Variants in RERE observed in about 807,000 individuals in gnomAD.
RERE encodes the protein arginine-glutamic acid dipeptide repeats protein.
RERE carries 40 observed loss-of-function variants against 146.1 expected under a neutral mutation model. That is an observed-to-expected ratio of 0.27 (90% CI 0.21 to 0.36). The LOEUF (loss-of-function observed/expected upper bound fraction) is 0.36, where lower values mean the gene tolerates loss of function less well. Among genes scored for constraint, RERE ranks in the 10% least tolerant of loss-of-function variants. RERE has a pLI of 1.00. For synonymous variants in RERE, 1,003 were observed against 866.0 expected, an observed-to-expected ratio of 1.16 and a Z score of -2.78; for missense variants, 1,933 against 2,138.7, an observed-to-expected ratio of 0.90 and a Z score of 1.90.
At chr1:8,393,612 T>C (rs1642958158) in intron 12 of RERE, among the ~76,000 whole-genome samples, 1 of 152,150 alleles carries the variant, frequency 6.6e-6, no homozygotes, top group South Asian at 2.1e-4. Flanking sequence ...TCCCAACAAA[T>C]GGACCCAAGC....
rs111855675 is a variant in RERE at position 8,359,551 on chromosome 1, G to C, written c.3618+213C>G. ...GGAGGACGCACAGTCACTGCTGGGA[G>C]TCAGCCTAGACCTGCCATGCGCAGT... On this transcript the variant is annotated intron_variant, in intron 19 of 22. Transcript: ENST00000400908. Among the ~76,000 whole-genome samples the C allele has an allele frequency of 8.2e-4, 125 of 152,348 alleles. 2 individuals are homozygous for C. Among genetic ancestry groups the C allele is most frequent in the African/African-American group, 2.9e-3 (122 of 41,580 alleles).
intron 1 of RERE, among the ~76,000 whole-genome samples, chr1:8,667,709 C>A (rs144505002): frequency 1.7e-3 from 260 of 152,308 alleles, no homozygotes; most frequent in African/African-American, 6.1e-3. Context: ...AAAACCCACA[C>A]AAACTCATTC....
At chr1:8,394,844 G>C (rs1368415571) in intron 12 of RERE, among the ~76,000 whole-genome samples, 4 of 152,080 alleles carry the variant, frequency 2.6e-5, no homozygotes, top group Admixed American at 6.6e-5. Flanking sequence ...AGTTACACTT[G>C]GTTTTTGTTT....
chr1:8,473,885 A>C (rs1326866410), intron 10 of RERE, among the ~76,000 whole-genome samples: 1 of 152,240 alleles, frequency 6.6e-6, no homozygotes, highest in Admixed American at 6.5e-5. Flanking sequence ...TATTTTAGAT[A>C]CATGGCTCTT....
At position 8,352,513 on chromosome 1, in the gene RERE, A is replaced by G. The variant is rs941141304; in HGVS notation, c.*2574T>C. The G allele has an allele frequency of 6.6e-6, 1 of 152,478 alleles. No individual in the cohort carries two copies. The highest frequency in any genetic ancestry group is 2.4e-5 in the African/African-American group (1 of 41,452). The allele number at this position is 152,478 out of a possible 1,614,324, so 9.4% of individuals were successfully genotyped here. A position where few individuals can be genotyped will look rare whatever the true frequency, so the allele number is the denominator to read the frequency against. On this transcript the variant is annotated 3_prime_UTR_variant, in exon 23 of 23. Transcript: ENST00000400908. ...CGATTTCTGGGTGTCTACTGTTTAC[A>G]CTGTGTTATCTCATGGCAAACTACT...
At chr1:8,803,380 G>A (rs749395468) in intron 1 of RERE, among the ~76,000 whole-genome samples, 5 of 152,102 alleles carry the variant, frequency 3.3e-5, no homozygotes, top group Non-Finnish European at 7.4e-5. Flanking sequence ...TGAGGCAGGA[G>A]AATCGCTTGA....
intron 7 of RERE, among the ~76,000 whole-genome samples, chr1:8,538,230 C>T (rs1205692845): frequency 6.6e-6 from 1 of 152,154 alleles, no homozygotes; most frequent in East Asian, 1.9e-4. Flanking sequence ...TACATACTTA[C>T]CTAAATAACT....
intron 16 of RERE, 122 bp downstream of exon 16, chr1:8,362,561 C>A: frequency 1.5e-6 from 2 of 1,309,238 alleles, no homozygotes; most frequent in Non-Finnish European, 2.2e-6. Flanking sequence ...TGCTGGTGTC[C>A]AGACAGGCTC....
chr1:8,454,091 C>T (rs1223784226), intron 11 of RERE, among the ~76,000 whole-genome samples: 1 of 152,196 alleles, frequency 6.6e-6, no homozygotes, highest in Non-Finnish European at 1.5e-5. Flanking sequence ...CAGTGATGGG[C>T]CATCCTTCCT....
intron 1 of RERE, among the ~76,000 whole-genome samples, chr1:8,703,728 C>G (rs1364410480): frequency 6.6e-6 from 1 of 152,198 alleles, no homozygotes; most frequent in Non-Finnish European, 1.5e-5. Flanking sequence ...TTTCACACAT[C>G]CTAGAGCTGC....
rs1557587054 is a variant in RERE, at chr1:8,361,030, A to AGCGGGGGATGTG, written c.2465_2476dup (p.Pro822_Pro825dup). On this transcript the variant is annotated inframe_insertion, in exon 18 of 23. Coordinates refer to ENST00000400908, the MANE Select transcript of RERE (RefSeq NM_001042681.2). ...GCCCGCCGACCCAGTCAGAGGCTGCAGCGGGGGATGTGGCGAGGGATGCGG... is the reference window on the plus strand; with the variant it reads ...GCCCGCCGACCCAGTCAGAGGCTGCAGCGGGGGATGTGGCGGGGGATGTGGCGAGGGATGCGG... The AGCGGGGGATGTG allele has an allele frequency of 1.7e-5, 24 of 1,430,536 alleles. No homozygotes were observed. The highest frequency in any genetic ancestry group is 2.6e-5 in the East Asian group (1 of 38,840). 88.6% of individuals were successfully genotyped at this position (1,430,536 alleles called of 1,614,324 possible). A position where few individuals can be genotyped will look rare whatever the true frequency, so the allele number is the denominator to read the frequency against.
intron 2 of RERE, among the ~76,000 whole-genome samples, chr1:8,628,744 A>T (rs1647002413): frequency 1.3e-5 from 2 of 152,270 alleles, no homozygotes; most frequent in Admixed American, 1.3e-4. Flanking sequence ...ATAAGAACGT[A>T]GTCAAGAGCA....
chr1:8,630,551 G>A (rs1354178174), intron 2 of RERE, among the ~76,000 whole-genome samples: 1 of 152,152 alleles, frequency 6.6e-6, no homozygotes, highest in Non-Finnish European at 1.5e-5. Flanking sequence ...ATCTTTTGCT[G>A]TGAGGGGTAC....
In RERE at chr1:8,774,181, T is replaced by C. The variant is rs539002077; in HGVS notation, c.-145+42979A>G. ...ATTCTCTAGCCATAATCACTAGCAA[T>C]CCTGAATATTCGAGATGCATTTGTT... On this transcript the variant is annotated intron_variant, in intron 1 of 22. Coordinates refer to ENST00000400908, the MANE Select transcript of RERE (RefSeq NM_001042681.2). Among the ~76,000 whole-genome samples the C allele has an allele frequency of 6.6e-5, 10 of 152,242 alleles. 1 individual carries two copies. Among genetic ancestry groups the C allele is most frequent in the Non-Finnish European group, 1.5e-4 (10 of 68,008 alleles).
At chr1:8,656,845 G>A (rs1638325233) in intron 1 of RERE, among the ~76,000 whole-genome samples, 1 of 152,178 alleles carries the variant, frequency 6.6e-6, no homozygotes, top group South Asian at 2.1e-4. Flanking sequence ...AGGCACTGCG[G>A]CTCATGCCTT....
intron 12 of RERE, among the ~76,000 whole-genome samples, chr1:8,399,567 A>G (rs1350451355): frequency 6.6e-6 from 1 of 152,180 alleles, no homozygotes; most frequent in East Asian, 1.9e-4. Flanking sequence ...TATAAAGCCT[A>G]TCTTCCTTGT....
chr1:8,556,824 A>C (rs1368468735), intron 5 of RERE, among the ~76,000 whole-genome samples: 2 of 152,170 alleles, frequency 1.3e-5, no homozygotes, highest in Non-Finnish European at 2.9e-5. Context: ...TTTTGCCAAA[A>C]TGGATTAAGC....
intron 4 of RERE, among the ~76,000 whole-genome samples, chr1:8,577,174 A>C (rs907087664): frequency 6.6e-6 from 1 of 152,084 alleles, no homozygotes; most frequent in Non-Finnish European, 1.5e-5. Flanking sequence ...AAAAAAAAAA[A>C]AGATGAAAGA....
chr1:8,697,391 C>A (rs1394074526), intron 1 of RERE, among the ~76,000 whole-genome samples: 1 of 129,354 alleles, frequency 7.7e-6, no homozygotes, highest in African/African-American at 2.9e-5. Flanking sequence ...ACCCCCCCCA[C>A]ACAACTTTTT....
Sources: gnomAD v4.1 joint callset for allele counts (sites outside exome capture counted in the v4.1 genomes callset) on GRCh38, gnomAD v4.1.1 for gene constraint, MANE v1.5 for transcripts, NCBI Gene and HGNC (gene_info 2026-07-23, HGNC 2026-07-21) for gene names.